Variants in SLC35F3 observed in about 807,000 individuals in gnomAD.
SLC35F3 encodes the protein putative thiamine transporter SLC35F3.
SLC35F3 carries 25 observed loss-of-function variants against 49.9 expected under a neutral mutation model. The ratio of observed to expected loss-of-function variants is 0.50; its 90% CI spans 0.37 to 0.70. The LOEUF (loss-of-function observed/expected upper bound fraction) is 0.70, where lower values mean the gene tolerates loss of function less well. Ranked by LOEUF, SLC35F3 falls within the 30% of genes least tolerant of loss-of-function variation. The pLI is 0.00. For synonymous variants in SLC35F3, 275 were observed against 265.4 expected, an observed-to-expected ratio of 1.04 and a Z score of -0.35; for missense variants, 525 against 639.8, an observed-to-expected ratio of 0.82 and a Z score of 1.94.
intron 2 of SLC35F3, among the ~76,000 whole-genome samples, chr1:233,979,676 C>T (rs540590318): frequency 6.6e-6 from 1 of 152,320 alleles, no homozygotes; most frequent in Non-Finnish European, 1.5e-5. Context: ...CGGATAGCTG[C>T]TCTTCATTCA....
chr1:234,124,821 G>A (rs1218320766), intron 2 of SLC35F3, among the ~76,000 whole-genome samples: 1 of 151,980 alleles, frequency 6.6e-6, no homozygotes, highest in Non-Finnish European at 1.5e-5. Flanking sequence ...GGAGCTATGA[G>A]CAACAGAGAA....
chr1:234,247,206 G>A (rs894161189), intron 3 of SLC35F3, among the ~76,000 whole-genome samples: 47 of 152,356 alleles, frequency 3.1e-4, no homozygotes, highest in African/African-American at 1.1e-3. Context: ...GGGAGTAGTG[G>A]AATTATGTGA....
chr1:234,204,868 G>A (rs1397874982), intron 2 of SLC35F3, among the ~76,000 whole-genome samples: 3 of 152,334 alleles, frequency 2.0e-5, no homozygotes, highest in South Asian at 4.1e-4. Flanking sequence ...AACAGGCTTT[G>A]CCTTAAGCAG....
chr1:233,980,277 A>G (rs1055863325), intron 2 of SLC35F3, among the ~76,000 whole-genome samples: 16 of 152,228 alleles, frequency 1.1e-4, no homozygotes, highest in African/African-American at 3.6e-4. Context: ...CTAGAGATTC[A>G]AGAGCAAGCA....
chr1:234,152,253 A>ATTATTATTATTATTATTATT (rs1491297627), intron 2 of SLC35F3, among the ~76,000 whole-genome samples: 4 of 128,178 alleles, frequency 3.1e-5, no homozygotes, highest in South Asian at 5.2e-4. Context: ...TTATTATTAT[A>ATTATTATTATTATTATTATT]CTTTAAATTC....
At position 234,298,138 on chromosome 1, in the gene SLC35F3, A is replaced by T. The variant is rs568524022; in HGVS notation, c.609-10963A>T. On this transcript the variant is annotated intron_variant, in intron 3 of 7. Transcript: ENST00000366618. ...AGGTCAATCATACCTCAATAAAGAC[A>T]GGTTTTTTTTGAGAAATGTAAATAT... 6.6e-5 allele frequency among the ~76,000 whole-genome samples: 10 copies of T among 152,338 alleles called. No individual in the cohort carries two copies. In the East Asian group the frequency reaches 1.9e-3, roughly 29 times the overall value.
At chr1:234,155,395 G>GACGATGATGATGATGATGATGATGATT (rs1553310141) in intron 2 of SLC35F3, among the ~76,000 whole-genome samples, 13 of 149,288 alleles carry the variant, frequency 8.7e-5, no homozygotes, top group African/African-American at 3.2e-4. Context: ...CTATTCACCT[G>GACGATGATGATGATGATGATGATGATT]ATTATTATTA....
chr1:234,175,322 A>G (rs1025378624), intron 2 of SLC35F3, among the ~76,000 whole-genome samples: 1 of 152,204 alleles, frequency 6.6e-6, no homozygotes, highest in Non-Finnish European at 1.5e-5. Context: ...GAAGTAGGAC[A>G]ATTAATTTTT....
chr1:234,134,489 A>T (rs1241412992), intron 2 of SLC35F3, among the ~76,000 whole-genome samples: 1 of 148,712 alleles, frequency 6.7e-6, no homozygotes, highest in African/African-American at 2.4e-5. Flanking sequence ...TATAGATTAT[A>T]TTTGTATATT....
intron 2 of SLC35F3, among the ~76,000 whole-genome samples, chr1:234,216,703 C>T (rs183856968): frequency 2.5e-4 from 38 of 152,346 alleles, no homozygotes; most frequent in African/African-American, 8.7e-4. Context: ...AGACTGGGCC[C>T]TGCCCCTTTT....
intron 5 of SLC35F3, among the ~76,000 whole-genome samples, chr1:234,317,009 G>A (rs992086427): frequency 3.3e-5 from 5 of 152,156 alleles, no homozygotes; most frequent in African/African-American, 4.8e-5. Flanking sequence ...GTGCCCATCC[G>A]CACAGTCAGA....
At chr1:233,954,326 G>C (rs981630822) in intron 2 of SLC35F3, among the ~76,000 whole-genome samples, 1 of 151,748 alleles carries the variant, frequency 6.6e-6, no homozygotes, top group South Asian at 2.1e-4. Context: ...TTTAAAGAAA[G>C]ACACTGAGCT....
intron 2 of SLC35F3, among the ~76,000 whole-genome samples, chr1:234,070,974 A>G (rs1010907543): frequency 2.0e-5 from 3 of 152,242 alleles, no homozygotes; most frequent in African/African-American, 7.2e-5. Flanking sequence ...AAATAGATGC[A>G]GAGCAATCCC....
At chr1:234,242,769 T>C (rs1426877165) in intron 3 of SLC35F3, among the ~76,000 whole-genome samples, 3 of 152,240 alleles carry the variant, frequency 2.0e-5, no homozygotes, top group African/African-American at 7.2e-5. Context: ...CCTTATTTTA[T>C]GACACTTACA....
At chr1:234,139,477 G>A (rs897712274) in intron 2 of SLC35F3, among the ~76,000 whole-genome samples, 3 of 152,228 alleles carry the variant, frequency 2.0e-5, no homozygotes, top group Non-Finnish European at 4.4e-5. Flanking sequence ...AATAGTCTAT[G>A]AAAATGTAAT....
intron 2 of SLC35F3, among the ~76,000 whole-genome samples, chr1:233,972,524 G>A (rs1663012454): frequency 6.6e-6 from 1 of 152,128 alleles, no homozygotes; most frequent in Admixed American, 6.5e-5. Flanking sequence ...TCCTCATCTT[G>A]AAGATGTGGA....
At chr1:234,313,812 G>A (rs953555219) in intron 4 of SLC35F3, among the ~76,000 whole-genome samples, 1 of 152,158 alleles carries the variant, frequency 6.6e-6, no homozygotes, top group Admixed American at 6.5e-5. Flanking sequence ...GGAAAATATT[G>A]TCACATGAAA....
intron 2 of SLC35F3, among the ~76,000 whole-genome samples, chr1:234,000,542 T>TAACC (rs1474975888): frequency 6.6e-6 from 1 of 152,188 alleles, no homozygotes; most frequent in Non-Finnish European, 1.5e-5. Flanking sequence ...AACAGAGAGA[T>TAACC]GGTTTATAAA....
At chr1:234,066,877 A>T (rs538543509) in intron 2 of SLC35F3, among the ~76,000 whole-genome samples, 1 of 126,786 alleles carries the variant, frequency 7.9e-6, no homozygotes, top group East Asian at 2.3e-4. Context: ...CACACACACA[A>T]TTATATTAAA....
Sources: gnomAD v4.1 joint callset for allele counts (sites outside exome capture counted in the v4.1 genomes callset) on GRCh38, gnomAD v4.1.1 for gene constraint, MANE v1.5 for transcripts, NCBI Gene and HGNC (gene_info 2026-07-23, HGNC 2026-07-21) for gene names.